MARCHF1: variants seen among roughly 807,000 people sequenced by gnomAD.
MARCHF1 encodes the protein E3 ubiquitin-protein ligase MARCHF1.
In MARCHF1, 40 loss-of-function variants were observed where a neutral mutation model predicts 54.2. The observed-to-expected ratio is 0.74, with a 90% CI of 0.57 to 0.96. The LOEUF (loss-of-function observed/expected upper bound fraction) is 0.96. MARCHF1 is among the 40% of genes least tolerant of loss of function. The pLI, the probability that MARCHF1 is intolerant of heterozygous loss-of-function variation, is 0.00. For missense variants in MARCHF1, 586 were observed against 656.5 expected (o/e 0.89, Z 1.17); for synonymous variants, 236 against 236.3 (o/e 1.00, Z 0.01).
intron 4 of MARCHF1, among the ~76,000 whole-genome samples, chr4:163,843,709 G>A (rs567234926): frequency 2.6e-5 from 4 of 152,032 alleles, no homozygotes; most frequent in Admixed American, 1.3e-4. Flanking sequence ...GCCCCCGACA[G>A]GACCCAGTGT....
intron 4 of MARCHF1, among the ~76,000 whole-genome samples, chr4:163,734,794 TGTATC>T (rs1745985473): frequency 2.0e-5 from 3 of 152,174 alleles, no homozygotes; most frequent in African/African-American, 4.8e-5. Context: ...TATGTTAAAA[TGTATC>T]GTATTATACA....
At chr4:164,128,246 TA>T (rs1210805702) in intron 1 of MARCHF1, among the ~76,000 whole-genome samples, 3 of 152,144 alleles carry the variant, frequency 2.0e-5, no homozygotes, top group Non-Finnish European at 4.4e-5. Context: ...AGGTATTTTT[TA>T]ATGACAGAAA....
Position 164,189,411 on chromosome 4 carries a change from G to A in MARCHF1, c.-322-77749C>T, listed in dbSNP as rs764808428. The A allele has an allele frequency of 1.6e-5, 11 of 680,010 alleles. No individual in the cohort carries two copies. The East Asian group carries it at 2.5e-4, about 16-fold the overall frequency. The allele number at this position is 680,010 out of a possible 1,614,324, so 42.1% of individuals were successfully genotyped here. On this transcript the variant is annotated intron_variant, in intron 1 of 9. Coordinates refer to ENST00000514618, the MANE Select transcript of MARCHF1 (RefSeq NM_001394959.1). ...CTACTATGAGGCCTGTCCAGAAAGT[G>A]TTGGAAAATTCTGATTTGAAGAATT...
At chr4:164,285,187 T>C (rs1235326380) in intron 1 of MARCHF1, among the ~76,000 whole-genome samples, 1 of 152,136 alleles carries the variant, frequency 6.6e-6, no homozygotes, top group East Asian at 1.9e-4. Context: ...CTGGACACTG[T>C]TATTTTCAAT....
chr4:163,882,749 G>T (rs1214111573), intron 3 of MARCHF1, among the ~76,000 whole-genome samples: 1 of 152,118 alleles, frequency 6.6e-6, no homozygotes, highest in East Asian at 1.9e-4. Context: ...TAGGTGGATT[G>T]CTTGAACCTA....
At chr4:164,298,772 T>C (rs542906276) in intron 1 of MARCHF1, among the ~76,000 whole-genome samples, 11 of 152,068 alleles carry the variant, frequency 7.2e-5, no homozygotes, top group South Asian at 2.1e-4. Flanking sequence ...TCTGAGAGTG[T>C]CTCTAGAAAG....
intron 4 of MARCHF1, among the ~76,000 whole-genome samples, chr4:163,719,662 TC>T (rs1211063933): frequency 1.3e-4 from 20 of 151,742 alleles, no homozygotes; most frequent in African/African-American, 4.6e-4. Context: ...GTAAAAGTGT[TC>T]CTATTTCTCC....
chr4:164,295,447 A>AAC (rs5863675), intron 1 of MARCHF1, among the ~76,000 whole-genome samples: 107 of 150,796 alleles, frequency 7.1e-4, no homozygotes, highest in East Asian at 2.6e-3. Flanking sequence ...CATACACACA[A>AAC]ACACACACAC....
In MARCHF1 at chr4:163,907,617, A is replaced by G. The variant is rs560031685; in HGVS notation, c.-38-53448T>C. 3.3e-5 allele frequency among the ~76,000 whole-genome samples: 5 copies of G among 152,248 alleles called. No individual in the cohort carries two copies. The East Asian group carries it at 7.7e-4, about 23-fold the overall frequency. ...ACTTCTCAGTTGAATTTTTAATCAA[A>G]TAAGATAATAATCATGCGTGAGAAA... On this transcript the variant is annotated intron_variant, in intron 3 of 9. Coordinates refer to ENST00000514618, the MANE Select transcript of MARCHF1 (RefSeq NM_001394959.1).
In MARCHF1 at chr4:163,604,342, G is replaced by C. The variant is rs189387502; in HGVS notation, c.1010+7929C>G. On this transcript the variant is annotated intron_variant, in intron 7 of 9. Coordinates refer to ENST00000514618, the MANE Select transcript of MARCHF1 (RefSeq NM_001394959.1). ...ACAATGTTTTGCTCTTGGTAGGGTA[G>C]TAAATGGTGTGGTTACCTACCCAGT... Among the ~76,000 whole-genome samples, 10 of 152,264 alleles carry C rather than the reference G, an allele frequency of 6.6e-5. No individual in the cohort carries two copies. The East Asian group carries it at 1.5e-3, about 24-fold the overall frequency.
chr4:163,736,295 G>C (rs1746031717), intron 4 of MARCHF1, among the ~76,000 whole-genome samples: 1 of 152,026 alleles, frequency 6.6e-6, no homozygotes, highest in African/African-American at 2.4e-5. Context: ...CAGTTAATCT[G>C]ATAGCCAAGA....
At chr4:164,199,264 T>C (rs1385369628) in intron 1 of MARCHF1, among the ~76,000 whole-genome samples, 1 of 152,238 alleles carries the variant, frequency 6.6e-6, no homozygotes, top group Non-Finnish European at 1.5e-5. Flanking sequence ...TTCTTTTATA[T>C]AGCTTATACA....
chr4:163,697,517 C>T (rs1744673485), intron 5 of MARCHF1, among the ~76,000 whole-genome samples: 1 of 152,090 alleles, frequency 6.6e-6, no homozygotes, highest in African/African-American at 2.4e-5. Context: ...CAGTATAGAA[C>T]AAGATTTCTG....
At chr4:163,974,734 G>T (rs529720822) in intron 3 of MARCHF1, among the ~76,000 whole-genome samples, 1 of 152,284 alleles carries the variant, frequency 6.6e-6, no homozygotes, top group South Asian at 2.1e-4. Context: ...GCAGGTATCA[G>T]TCGGAAGCCA....
chr4:163,617,159 G>T (rs1004922080), intron 5 of MARCHF1, among the ~76,000 whole-genome samples: 1 of 152,154 alleles, frequency 6.6e-6, no homozygotes, highest in African/African-American at 2.4e-5. Flanking sequence ...GCAGAGGTAA[G>T]TATTGCATTT....
chr4:163,934,923 G>A (rs1341570586), intron 3 of MARCHF1, among the ~76,000 whole-genome samples: 2 of 152,064 alleles, frequency 1.3e-5, no homozygotes, highest in African/African-American at 4.8e-5. Context: ...CCTTTCCAGA[G>A]GTTTTCAATT....
At chr4:164,318,660 G>A (rs139767517) in intron 1 of MARCHF1, among the ~76,000 whole-genome samples, 1 of 152,292 alleles carries the variant, frequency 6.6e-6, no homozygotes, top group East Asian at 1.9e-4. Flanking sequence ...TGTCTAAAGT[G>A]TAACTCTTGA....
chr4:164,068,084 C>T (rs189177489), intron 2 of MARCHF1, among the ~76,000 whole-genome samples: 34 of 152,294 alleles, frequency 2.2e-4, no homozygotes, highest in Admixed American at 6.5e-5. Flanking sequence ...ATGCTAGTGA[C>T]GTTGTGGAGA....
intron 1 of MARCHF1, among the ~76,000 whole-genome samples, chr4:164,143,688 G>A (rs530494294): frequency 6.6e-6 from 1 of 152,134 alleles, no homozygotes; most frequent in Non-Finnish European, 1.5e-5. Context: ...AACATGGAAA[G>A]GAACAACCGA....
Sources: allele counts gnomAD v4.1 joint callset (sites outside exome capture counted in the v4.1 genomes callset), GRCh38; gene constraint gnomAD v4.1.1; transcripts MANE v1.5; gene names NCBI Gene and HGNC (gene_info 2026-07-23, HGNC 2026-07-21).